The following SPMIP2 variants were observed in gnomAD, a reference collection of about 807,000 sequenced individuals.
SPMIP2 encodes sperm microtubule inner protein 2.
chr4:159,007,668 A>C, the SPMIP2 span: 2 of 733,568 alleles, frequency 2.7e-6, no homozygotes, highest in Non-Finnish European at 4.7e-6. Flanking sequence ...GACTCATGTA[A>C]TGGACTACTG....
chr4:158,908,464 T>C, the SPMIP2 span, among the ~76,000 whole-genome samples: 4 of 152,266 alleles, frequency 2.6e-5, no homozygotes, highest in Non-Finnish European at 5.9e-5. Context: ...AATTGTTGTA[T>C]AAATTGAGGG....
chr4:158,915,435 T>G, the SPMIP2 span: 1 of 1,261,496 alleles, frequency 7.9e-7, no homozygotes, highest in Non-Finnish European at 1.1e-6. Flanking sequence ...TAGTTGAGAT[T>G]TGTCTGTTTT....
At chr4:158,998,408 T>G in the SPMIP2 span, among the ~76,000 whole-genome samples, 4 of 152,216 alleles carry the variant, frequency 2.6e-5, no homozygotes, top group Non-Finnish European at 4.4e-5. Context: ...ATTACATAAC[T>G]GCAAAAATAA....
chr4:158,950,131 G>C, the SPMIP2 span, among the ~76,000 whole-genome samples: 1 of 152,178 alleles, frequency 6.6e-6, no homozygotes, highest in African/African-American at 2.4e-5. Flanking sequence ...AAATCAGCAA[G>C]TAAGTGGCAA....
the SPMIP2 span, among the ~76,000 whole-genome samples, chr4:158,957,611 C>T: frequency 6.6e-6 from 1 of 152,056 alleles, no homozygotes. Context: ...ATTATTAGTA[C>T]AGACAGGGTT....
the SPMIP2 span, among the ~76,000 whole-genome samples, chr4:158,931,032 C>CTG: frequency 1.3e-5 from 2 of 152,270 alleles, no homozygotes; most frequent in Non-Finnish European, 2.9e-5. Flanking sequence ...TCATTTACTT[C>CTG]TGGGATTACC....
At chr4:158,929,532 C>A in the SPMIP2 span, among the ~76,000 whole-genome samples, 1 of 151,936 alleles carries the variant, frequency 6.6e-6, no homozygotes, top group Non-Finnish European at 1.5e-5. Flanking sequence ...TATTTTAATT[C>A]CCTTGTTGTA....
chr4:159,031,968 T>C, the SPMIP2 span, among the ~76,000 whole-genome samples: 6 of 152,204 alleles, frequency 3.9e-5, no homozygotes, highest in Non-Finnish European at 2.9e-5. Context: ...ATGCCTGTAA[T>C]CCCAGCACTT....
chr4:159,059,810 G>C, the SPMIP2 span, among the ~76,000 whole-genome samples: 2 of 152,216 alleles, frequency 1.3e-5, no homozygotes, highest in Non-Finnish European at 2.9e-5. Context: ...TAAAAAATGA[G>C]GCAAAGGCCT....
the SPMIP2 span, among the ~76,000 whole-genome samples, chr4:159,052,363 G>T: frequency 2.0e-5 from 3 of 150,182 alleles, no homozygotes; most frequent in Non-Finnish European, 4.4e-5. Context: ...GAGTTAAGTA[G>T]ACCCTGAAAA....
chr4:159,011,285 C>T, the SPMIP2 span, among the ~76,000 whole-genome samples: 13 of 152,268 alleles, frequency 8.5e-5, no homozygotes, highest in East Asian at 2.5e-3. Flanking sequence ...TATAAATCCC[C>T]ATTCTTTGAT....
At chr4:159,081,184 C>T in the SPMIP2 span, among the ~76,000 whole-genome samples, 15 of 151,960 alleles carry the variant, frequency 9.9e-5, no homozygotes, top group East Asian at 7.8e-4. Flanking sequence ...ATTACAGGTG[C>T]GCACCACTGC....
the SPMIP2 span, among the ~76,000 whole-genome samples, chr4:159,020,568 G>A: frequency 6.6e-6 from 1 of 152,170 alleles, no homozygotes; most frequent in African/African-American, 2.4e-5. Flanking sequence ...AGGTAAGGGA[G>A]TCTTTTCCTT....
At chr4:159,007,967 T>C in the SPMIP2 span, 37 of 375,112 alleles carry the variant, frequency 9.9e-5, no homozygotes, top group Non-Finnish European at 1.6e-4. Context: ...CCTGGCACAG[T>C]GGCATGCGCC....
chr4:158,956,221 G>A, the SPMIP2 span, among the ~76,000 whole-genome samples: 47,328 of 152,138 alleles, frequency 0.31, 7,881 homozygotes, highest in South Asian at 0.5. Flanking sequence ...TGTCACTAGC[G>A]GCTCTCAGCC....
At chr4:158,904,562 T>C in the SPMIP2 span, 1 of 1,604,590 alleles carries the variant, frequency 6.2e-7, no homozygotes, top group South Asian at 1.1e-5. Flanking sequence ...CTCAGGACAG[T>C]TCTTCCTTGG....
chr4:158,901,754 G>A, the SPMIP2 span, among the ~76,000 whole-genome samples: 1 of 151,514 alleles, frequency 6.6e-6, no homozygotes, highest in South Asian at 2.1e-4. Flanking sequence ...ATCTCTGATA[G>A]CCTTTCTTCT....
At chr4:158,946,692 T>C in the SPMIP2 span, among the ~76,000 whole-genome samples, 1 of 152,184 alleles carries the variant, frequency 6.6e-6, no homozygotes, top group Non-Finnish European at 1.5e-5. Context: ...CATGTGAAAA[T>C]GAACTAACAC....
chr4:158,972,456 T>C, the SPMIP2 span, among the ~76,000 whole-genome samples: 149,376 of 152,350 alleles, frequency 0.98, 73,289 homozygotes, highest in East Asian at 1. Flanking sequence ...TTGATACATT[T>C]AATTTTCAGA....
Sources: allele counts gnomAD v4.1 joint callset (sites outside exome capture counted in the v4.1 genomes callset), GRCh38; gene constraint gnomAD v4.1.1; transcripts MANE v1.5; gene names NCBI Gene and HGNC (gene_info 2026-07-23, HGNC 2026-07-21).